CTNND2: variants seen among roughly 807,000 people sequenced by gnomAD.
CTNND2 encodes catenin delta 2, also known as catenin delta-2.
A neutral mutation model predicts 144.4 loss-of-function variants in CTNND2; 22 were observed. That is an observed-to-expected ratio of 0.15 (90% CI 0.11 to 0.22). The LOEUF is 0.22. Among genes scored for constraint, CTNND2 ranks in the 10% least tolerant of loss-of-function variants. The pLI is 1.00. For missense variants in CTNND2, 1,353 were observed against 1,618.8 expected, an observed-to-expected ratio of 0.84 and a Z score of 2.82; for synonymous variants, 751 against 695.6, an observed-to-expected ratio of 1.08 and a Z score of -1.25.
At chr5:11,853,995 T>C (rs1349847757) in intron 1 of CTNND2, among the ~76,000 whole-genome samples, 1 of 152,204 alleles carries the variant, frequency 6.6e-6, no homozygotes, top group African/African-American at 2.4e-5. Flanking sequence ...TCAGATCACA[T>C]CACTTCTTGG....
At chr5:11,308,536 T>C (rs746379018) in intron 9 of CTNND2, among the ~76,000 whole-genome samples, 5 of 152,238 alleles carry the variant, frequency 3.3e-5, no homozygotes, top group Non-Finnish European at 7.3e-5. Context: ...TTGGGGAAAG[T>C]AGTGGGTTCA....
Position 11,006,184 on chromosome 5 carries a change from C to T in CTNND2, c.3084+11790G>A, listed in dbSNP as rs535314027. Reference sequence around the variant, plus strand: ...AAAAAAGACTGAGAAGGGGCGCTTTCCCACATAGAGAAAAATAAGAATAGT... The same window carrying T: ...AAAAAAGACTGAGAAGGGGCGCTTTTCCACATAGAGAAAAATAAGAATAGT... On this transcript the variant is annotated intron_variant, in intron 18 of 21. Transcript: ENST00000304623. Among the ~76,000 whole-genome samples, 4 of 152,272 alleles carry T rather than the reference C, an allele frequency of 2.6e-5. No homozygotes were observed. The East Asian group carries it at 7.7e-4, about 29-fold the overall frequency.
At chr5:11,117,353 G>A (rs1753655904) in intron 13 of CTNND2, 97 bp downstream of exon 13, 1 of 906,760 alleles carries the variant, frequency 1.1e-6, no homozygotes, top group African/African-American at 1.6e-5. Context: ...AGGAAAGTCT[G>A]AAATACTGCA....
chr5:11,178,618 C>A (rs13159061), intron 11 of CTNND2, among the ~76,000 whole-genome samples: 1 of 152,018 alleles, frequency 6.6e-6, no homozygotes, highest in East Asian at 1.9e-4. Flanking sequence ...GAGGCAAATG[C>A]TGGTTATGGA....
chr5:11,768,855 T>C (rs965779319), intron 1 of CTNND2, among the ~76,000 whole-genome samples: 1 of 152,090 alleles, frequency 6.6e-6, no homozygotes, highest in Admixed American at 6.5e-5. Context: ...CTTTCAAACA[T>C]GTGGGGAATT....
chr5:11,211,103 CA>C (rs1340899275), intron 10 of CTNND2, among the ~76,000 whole-genome samples: 1 of 152,020 alleles, frequency 6.6e-6, no homozygotes, highest in Non-Finnish European at 1.5e-5. Flanking sequence ...TGATAAGAAC[CA>C]AAAAGAAGTC....
chr5:11,229,915 A>G (rs1205715353), intron 10 of CTNND2, among the ~76,000 whole-genome samples: 1 of 151,822 alleles, frequency 6.6e-6, no homozygotes. Flanking sequence ...GAAATGGGGG[A>G]AAGTACAGGC....
intron 2 of CTNND2, among the ~76,000 whole-genome samples, chr5:11,574,513 C>T (rs1465955750): frequency 6.6e-6 from 1 of 152,060 alleles, no homozygotes; most frequent in South Asian, 2.1e-4. Context: ...AATAATAGCA[C>T]AAATTTCTTT....
At chr5:11,073,822 C>T (rs1414133889) in intron 16 of CTNND2, among the ~76,000 whole-genome samples, 1 of 152,184 alleles carries the variant, frequency 6.6e-6, no homozygotes, top group Non-Finnish European at 1.5e-5. Flanking sequence ...CTTGTGAAAT[C>T]AAGTTATTAA....
intron 1 of CTNND2, among the ~76,000 whole-genome samples, chr5:11,828,842 T>C (rs1793740763): frequency 6.6e-6 from 1 of 152,158 alleles, no homozygotes; most frequent in Non-Finnish European, 1.5e-5. Context: ...AAGGGCTCAT[T>C]AGGCAGGGAA....
intron 2 of CTNND2, among the ~76,000 whole-genome samples, chr5:11,577,818 T>C (rs1371679769): frequency 6.6e-6 from 1 of 152,248 alleles, no homozygotes; most frequent in African/African-American, 2.4e-5. Flanking sequence ...TTTATGGAAC[T>C]CATGTGTTTC....
At chr5:11,667,407 T>A (rs1347139616) in intron 2 of CTNND2, among the ~76,000 whole-genome samples, 2 of 152,224 alleles carry the variant, frequency 1.3e-5, no homozygotes, top group African/African-American at 4.8e-5. Context: ...TTCCTATTTC[T>A]CCACATCCTC....
intron 9 of CTNND2, among the ~76,000 whole-genome samples, chr5:11,305,482 C>T (rs1750095219): frequency 6.6e-6 from 1 of 152,182 alleles, no homozygotes; most frequent in South Asian, 2.1e-4. Context: ...TCCATGTGCC[C>T]TCACTGATGT....
intron 16 of CTNND2, among the ~76,000 whole-genome samples, chr5:11,057,601 A>T (rs1014571379): frequency 1.3e-5 from 2 of 152,210 alleles, no homozygotes; most frequent in Non-Finnish European, 2.9e-5. Flanking sequence ...TGTCTTTATC[A>T]GCAGTGAGAA....
At chr5:11,788,167 A>T (rs1790932829) in intron 1 of CTNND2, among the ~76,000 whole-genome samples, 1 of 152,192 alleles carries the variant, frequency 6.6e-6, no homozygotes, top group African/African-American at 2.4e-5. Flanking sequence ...CCTTGGTTAA[A>T]TTTTTTAAAA....
chr5:11,244,699 G>C (rs1401514169), intron 9 of CTNND2, among the ~76,000 whole-genome samples: 1 of 152,170 alleles, frequency 6.6e-6, no homozygotes, highest in Non-Finnish European at 1.5e-5. Flanking sequence ...CCATTTTTAA[G>C]GAAGAAATGG....
intron 3 of CTNND2, among the ~76,000 whole-genome samples, chr5:11,504,579 G>A (rs1024563568): frequency 6.6e-6 from 1 of 152,100 alleles, no homozygotes; most frequent in African/African-American, 2.4e-5. Context: ...CCACTCCTTC[G>A]GGGCCAAGAT....
Position 11,756,384 on chromosome 5 carries a change from AT to A in CTNND2, c.38-24113del, listed in dbSNP as rs563608657. On this transcript the variant is annotated intron_variant, in intron 1 of 21. Transcript: ENST00000304623. Reference sequence around the variant, plus strand: ...GTATTTTAAAAATACATTTAAACTGATAAAGGAAATGTAACTCCAATATAAA... The same window carrying A: ...GTATTTTAAAAATACATTTAAACTGAAAAGGAAATGTAACTCCAATATAAA... 3.8e-4 allele frequency among the ~76,000 whole-genome samples: 57 copies of A among 151,866 alleles called. 1 individual carries two copies. In the South Asian group the frequency reaches 7.3e-3, roughly 19 times the overall value.
At chr5:11,612,137 G>A (rs752604587) in intron 2 of CTNND2, among the ~76,000 whole-genome samples, 1 of 152,142 alleles carries the variant, frequency 6.6e-6, no homozygotes, top group Non-Finnish European at 1.5e-5. Context: ...TATATGATCA[G>A]GCTGATAGAT....
Sources: gnomAD v4.1 joint callset for allele counts (sites outside exome capture counted in the v4.1 genomes callset) on GRCh38, gnomAD v4.1.1 for gene constraint, MANE v1.5 for transcripts, NCBI Gene and HGNC (gene_info 2026-07-23, HGNC 2026-07-21) for gene names.